The following RBFOX1 variants were observed in gnomAD, a reference collection of about 807,000 sequenced individuals.
RBFOX1 encodes the protein RNA binding protein fox-1 homolog 1.
RBFOX1 carries 8 observed loss-of-function variants against 57.7 expected under a neutral mutation model. The ratio of observed to expected loss-of-function variants is 0.14; its 90% CI spans 0.08 to 0.25. The LOEUF is 0.25. RBFOX1 is among the 10% of genes least tolerant of loss of function. RBFOX1 has a pLI of 1.00. For synonymous variants in RBFOX1, 326 were observed against 222.4 expected (o/e 1.47, Z -4.15); for missense variants, 611 against 548.5 (o/e 1.11, Z -1.14).
intron 2 of RBFOX1, among the ~76,000 whole-genome samples, chr16:6,548,104 T>G: frequency 6.6e-6 from 1 of 152,228 alleles, no homozygotes; most frequent in Non-Finnish European, 1.5e-5. Context: ...ATACACATAT[T>G]TCACATACTG....
chr16:7,013,973 C>G (rs1000345068), intron 3 of RBFOX1, among the ~76,000 whole-genome samples: 1 of 152,108 alleles, frequency 6.6e-6, no homozygotes, highest in Non-Finnish European at 1.5e-5. Flanking sequence ...GCTATATACT[C>G]TATTCCGTAC....
At chr16:6,426,477 T>A (rs1478986405) in intron 2 of RBFOX1, among the ~76,000 whole-genome samples, 1 of 151,866 alleles carries the variant, frequency 6.6e-6, no homozygotes, top group Non-Finnish European at 1.5e-5. Context: ...AAGAAAGGAC[T>A]AAAATAGGCC....
At chr16:5,996,299 A>G (rs2060489215) in intron 4 of RBFOX1, among the ~76,000 whole-genome samples, 1 of 152,140 alleles carries the variant, frequency 6.6e-6, no homozygotes, top group South Asian at 2.1e-4. Flanking sequence ...TCACCAGACG[A>G]TGTAGACTCC....
Position 6,947,111 on chromosome 16 carries a change from G to T in RBFOX1, c.-15-104946G>T, listed in dbSNP as rs547885514. 8.5e-5 allele frequency among the ~76,000 whole-genome samples: 13 copies of T among 152,270 alleles called. No individual in the cohort carries two copies. The South Asian group carries it at 2.7e-3, about 32-fold the overall frequency. The stretch of plus-strand genomic sequence containing the variant: ...TAGTTAAGAGGATTTAATGGGATAA[G>T]ATCTGTTAAACTCTTAGCACATAAC... On this transcript the variant is annotated intron_variant, in intron 3 of 15. Coordinates refer to ENST00000550418, the MANE Select transcript of RBFOX1 (RefSeq NM_018723.4).
intron 1 of RBFOX1, among the ~76,000 whole-genome samples, chr16:6,232,825 T>G (rs928804195): frequency 1.2e-4 from 18 of 152,276 alleles, no homozygotes; most frequent in Middle Eastern, 3.4e-3. Context: ...CTGGTGAAGC[T>G]GGGTCCCTAT....
intron 3 of RBFOX1, among the ~76,000 whole-genome samples, chr16:7,020,048 G>A (rs58770368): frequency 0.041 from 6,225 of 150,804 alleles, 457 homozygotes; most frequent in African/African-American, 0.14. Flanking sequence ...TTCTAGATCA[G>A]CTTAGGTGAA....
intron 1 of RBFOX1, among the ~76,000 whole-genome samples, chr16:6,230,380 T>C (rs1269517405): frequency 1.3e-5 from 2 of 152,164 alleles, no homozygotes; most frequent in African/African-American, 4.8e-5. Flanking sequence ...CATGAGAGAA[T>C]TGGGGCTTTA....
In RBFOX1 at chr16:7,711,415, G is replaced by A. The variant is rs184461801; in HGVS notation, c.*670G>A. 6.6e-4 allele frequency: 101 copies of A among 152,440 alleles called. No individual in the cohort carries two copies. Among genetic ancestry groups the A allele is most frequent in the Non-Finnish European group, 3.5e-4 (24 of 67,984 alleles). 9.4% of individuals were successfully genotyped at this position (152,440 alleles called of 1,614,324 possible). On this transcript the variant is annotated 3_prime_UTR_variant, in exon 16 of 16. Coordinates refer to ENST00000550418, the MANE Select transcript of RBFOX1 (RefSeq NM_018723.4). Reference sequence around the variant, plus strand: ...ACCCACCCTTTAAACCATTCCACCCGGCAGTATTCAGCTTCTTAACCAGTC... The same window carrying A: ...ACCCACCCTTTAAACCATTCCACCCAGCAGTATTCAGCTTCTTAACCAGTC...
chr16:7,260,690 T>A (rs2094884286), intron 4 of RBFOX1, among the ~76,000 whole-genome samples: 1 of 152,190 alleles, frequency 6.6e-6, no homozygotes, highest in East Asian at 1.9e-4. Flanking sequence ...TCTAATGTTC[T>A]AATGAGAATA....
At chr16:7,368,213 G>C (rs534509387) in intron 4 of RBFOX1, among the ~76,000 whole-genome samples, 1 of 149,872 alleles carries the variant, frequency 6.7e-6, no homozygotes, top group Non-Finnish European at 1.5e-5. Context: ...GTTGCAATAA[G>C]CCAAGATCCT....
rs530983629 is a variant in RBFOX1 at position 5,291,052 on chromosome 16, G to A, written c.219+50947G>A. 7.9e-5 allele frequency among the ~76,000 whole-genome samples: 12 copies of A among 152,262 alleles called. No individual in the cohort carries two copies. In the East Asian group the frequency reaches 1.7e-3, roughly 22 times the overall value. On this transcript the variant is annotated intron_variant, in intron 1 of 2. Transcript: ENST00000585867. Reference sequence around the variant, plus strand: ...TGTGGCTGAAGCCTGCAGGGCAAGCGAGAGAATCAGGAAATGAGGCTGGAG... The same window carrying A: ...TGTGGCTGAAGCCTGCAGGGCAAGCAAGAGAATCAGGAAATGAGGCTGGAG...
chr16:6,832,253 G>A (rs1351502919), intron 3 of RBFOX1, among the ~76,000 whole-genome samples: 3 of 152,154 alleles, frequency 2.0e-5, no homozygotes, highest in Non-Finnish European at 4.4e-5. Context: ...AACACAGTGG[G>A]ATTTATCTTG....
intron 2 of RBFOX1, among the ~76,000 whole-genome samples, chr16:6,627,089 A>G (rs867570792): frequency 2.6e-5 from 4 of 152,328 alleles, no homozygotes; most frequent in South Asian, 2.1e-4. Context: ...TCTAAAATCC[A>G]TGGCCGCTGA....
intron 3 of RBFOX1, among the ~76,000 whole-genome samples, chr16:6,851,345 C>T (rs1471444441): frequency 6.6e-6 from 1 of 151,976 alleles, no homozygotes; most frequent in Admixed American, 6.6e-5. Context: ...ATTTTTTGTC[C>T]TGGCTGTGAT....
At chr16:6,068,030 G>T (rs12920557) in intron 1 of RBFOX1, among the ~76,000 whole-genome samples, 1 of 152,116 alleles carries the variant, frequency 6.6e-6, no homozygotes, top group African/African-American at 2.4e-5. Context: ...AGATTTCCTC[G>T]ATTTTCTTTT....
intron 4 of RBFOX1, among the ~76,000 whole-genome samples, chr16:6,012,351 C>G (rs530844844): frequency 6.6e-6 from 1 of 152,300 alleles, no homozygotes; most frequent in East Asian, 1.9e-4. Flanking sequence ...ATTAGTAGTT[C>G]TGTTACCACC....
intron 2 of RBFOX1, among the ~76,000 whole-genome samples, chr16:6,370,362 G>GAAAAAAAAAA (rs71145221): frequency 1.2e-5 from 1 of 81,978 alleles, no homozygotes; most frequent in Non-Finnish European, 2.2e-5. Flanking sequence ...CGTCTCAAAA[G>GAAAAAAAAAA]AAAAAAAAAA....
chr16:7,286,452 T>A (rs901517079), intron 4 of RBFOX1, among the ~76,000 whole-genome samples: 10 of 147,274 alleles, frequency 6.8e-5, no homozygotes, highest in Admixed American at 2.0e-4. Flanking sequence ...TTTCTTATTT[T>A]TTTTTTTTTT....
chr16:5,908,332 ATGTGTGTGTGTG>A (rs879393323), intron 4 of RBFOX1, among the ~76,000 whole-genome samples: 2 of 137,464 alleles, frequency 1.5e-5, no homozygotes, highest in Non-Finnish European at 3.1e-5. Flanking sequence ...ACATATATAT[ATGTGTGTGTGTG>A]TGTGTGTGTC....
Sources: gnomAD v4.1 joint callset for allele counts (sites outside exome capture counted in the v4.1 genomes callset) on GRCh38, gnomAD v4.1.1 for gene constraint, MANE v1.5 for transcripts, NCBI Gene and HGNC (gene_info 2026-07-23, HGNC 2026-07-21) for gene names.